PRMT8: variants seen among roughly 807,000 people sequenced by gnomAD.
PRMT8 encodes the protein protein arginine N-methyltransferase 8.
Under a neutral mutation model 47.1 loss-of-function variants are expected in PRMT8, and 7 were observed. The observed-to-expected ratio is 0.15, with a 90% CI of 0.08 to 0.28. The LOEUF (loss-of-function observed/expected upper bound fraction) is 0.28, where lower values mean the gene tolerates loss of function less well. Among genes scored for constraint, PRMT8 ranks in the 10% least tolerant of loss-of-function variants. The pLI, the probability that PRMT8 is intolerant of heterozygous loss-of-function variation, is 1.00. For synonymous variants in PRMT8, 188 were observed against 186.5 expected (o/e 1.01, Z -0.07); for missense variants, 237 against 505.4 (o/e 0.47, Z 5.09).
intron 1 of PRMT8, among the ~76,000 whole-genome samples, chr12:3,466,649 A>C (rs1865099446): frequency 6.6e-6 from 1 of 152,230 alleles, no homozygotes; most frequent in Non-Finnish European, 1.5e-5. Context: ...AGATTTTGAC[A>C]AATACGCTCA....
chr12:3,467,343 AG>A lies in PRMT8; in HGVS notation c.49-73262del, dbSNP rs563336468. ...GCAGCAGGTGTTTGGCCTGGGGAAA[AG>A]CCACTTCCGATGAAGAAGGTCGCAC... On this transcript the variant is annotated intron_variant, in intron 1 of 9. Coordinates refer to the PRMT8 transcript ENST00000452611. Among the ~76,000 whole-genome samples the A allele has an allele frequency of 2.0e-5, 3 of 152,138 alleles. No homozygotes were observed. In the South Asian group the frequency reaches 6.2e-4, roughly 32 times the overall value.
chr12:3,522,091 CA>C (rs1865887928), intron 1 of PRMT8, among the ~76,000 whole-genome samples: 1 of 151,890 alleles, frequency 6.6e-6, no homozygotes, highest in Non-Finnish European at 1.5e-5. Context: ...TGCCTTTGAC[CA>C]AATGTCTCCC....
At chr12:3,521,339 C>T (rs1456497672) in intron 1 of PRMT8, among the ~76,000 whole-genome samples, 3 of 152,038 alleles carry the variant, frequency 2.0e-5, no homozygotes, top group South Asian at 2.1e-4. Context: ...TTTGGGAGGC[C>T]GAGGCAGGCG....
chr12:3,479,485 T>C (rs1865251839), intron 1 of PRMT8, among the ~76,000 whole-genome samples: 1 of 152,222 alleles, frequency 6.6e-6, no homozygotes, highest in Non-Finnish European at 1.5e-5. Context: ...GAAGAAGCCC[T>C]TGAAGCTGTT....
At chr12:3,516,276 T>A (rs1220085482) in intron 1 of PRMT8, among the ~76,000 whole-genome samples, 1 of 152,248 alleles carries the variant, frequency 6.6e-6, no homozygotes, top group Non-Finnish European at 1.5e-5. Flanking sequence ...TTCTCTGCTG[T>A]TTTCTTTGCC....
At chr12:3,498,157 G>A (rs1865537010) in intron 1 of PRMT8, among the ~76,000 whole-genome samples, 2 of 152,206 alleles carry the variant, frequency 1.3e-5, no homozygotes, top group South Asian at 4.1e-4. Flanking sequence ...GTGCAATGCT[G>A]TGAATTACAT....
chr12:3,553,359 A>G (rs1591599108), intron 3 of PRMT8: 2 of 496,178 alleles, frequency 4.0e-6, no homozygotes, highest in East Asian at 6.9e-5. Flanking sequence ...GCTGGCCAGG[A>G]GCATGAGGTC....
At chr12:3,403,899 G>A (rs7135664) in intron 1 of PRMT8, among the ~76,000 whole-genome samples, 34,960 of 108,580 alleles carry the variant, frequency 0.32, 7,118 homozygotes, top group African/African-American at 0.52. Flanking sequence ...AAAAAAAAAA[G>A]AGAGAGAAAA....
chr12:3,468,322 G>A (rs182790787), intron 1 of PRMT8, among the ~76,000 whole-genome samples: 12 of 152,176 alleles, frequency 7.9e-5, no homozygotes, highest in Admixed American at 2.0e-4. Flanking sequence ...CATTCCCATC[G>A]GCCAGGAGGA....
chr12:3,539,363 A>G (rs951273018), intron 1 of PRMT8, among the ~76,000 whole-genome samples: 6 of 152,204 alleles, frequency 3.9e-5, no homozygotes, highest in Non-Finnish European at 7.3e-5. Context: ...TTTCAGAGTC[A>G]GGCACTGTGG....
chr12:3,585,935 A>G (rs1362985797), intron 8 of PRMT8, among the ~76,000 whole-genome samples: 1 of 152,044 alleles, frequency 6.6e-6, no homozygotes, highest in Non-Finnish European at 1.5e-5. Flanking sequence ...TGTGATTGGA[A>G]GCTAAGGATG....
chr12:3,474,628 C>T (rs140343329), intron 1 of PRMT8, among the ~76,000 whole-genome samples: 36 of 152,254 alleles, frequency 2.4e-4, no homozygotes, highest in African/African-American at 8.7e-4. Flanking sequence ...TAACCCCTCA[C>T]AGTCACTGAA....
intron 1 of PRMT8, among the ~76,000 whole-genome samples, chr12:3,531,518 A>G (rs527575836): frequency 3.5e-4 from 54 of 152,336 alleles, no homozygotes; most frequent in Middle Eastern, 6.8e-3. Flanking sequence ...AACAAATCCA[A>G]TAGATTCCCT....
At chr12:3,395,199 G>T (rs1333131699) in intron 1 of PRMT8, among the ~76,000 whole-genome samples, 1 of 150,766 alleles carries the variant, frequency 6.6e-6, no homozygotes, top group Non-Finnish European at 1.5e-5. Flanking sequence ...GGTTTTTTGT[G>T]TCTCTATTTC....
At chr12:3,422,217 A>G (rs186584319) in intron 1 of PRMT8, among the ~76,000 whole-genome samples, 340 of 152,150 alleles carry the variant, frequency 2.2e-3, no homozygotes, top group Non-Finnish European at 3.6e-3. Context: ...GTTATTTCCC[A>G]CCAGCCTCTG....
upstream of PRMT8, among the ~76,000 whole-genome samples, chr12:3,489,235 C>T (rs1160518814): frequency 2.0e-5 from 3 of 152,004 alleles, no homozygotes; most frequent in Non-Finnish European, 4.4e-5. Flanking sequence ...GGAAACACAC[C>T]CACTGAGGTT....
At chr12:3,577,845 C>G (rs138261954) in intron 7 of PRMT8, among the ~76,000 whole-genome samples, 1 of 152,108 alleles carries the variant, frequency 6.6e-6, no homozygotes, top group Admixed American at 6.5e-5. Flanking sequence ...AGCTGCTCAG[C>G]GTCTTTGCCA....
intron 1 of PRMT8, among the ~76,000 whole-genome samples, chr12:3,384,467 A>AT (rs1864121210): frequency 1.3e-5 from 2 of 152,176 alleles, no homozygotes; most frequent in African/African-American, 4.8e-5. Flanking sequence ...ATTAAAAGAA[A>AT]TGTATTTTTT....
chr12:3,543,590 G>C (rs3782759), intron 2 of PRMT8, among the ~76,000 whole-genome samples: 38,925 of 152,108 alleles, frequency 0.26, 5,308 homozygotes, highest in East Asian at 0.45. Flanking sequence ...GGTGCGGATA[G>C]ACTGGGTTTG....
Sources: allele counts gnomAD v4.1 joint callset (sites outside exome capture counted in the v4.1 genomes callset), GRCh38; gene constraint gnomAD v4.1.1; transcripts MANE v1.5; gene names NCBI Gene and HGNC (gene_info 2026-07-23, HGNC 2026-07-21).